The following TANC2 variants were observed in gnomAD, a reference collection of about 807,000 sequenced individuals.
TANC2 encodes protein TANC2.
A neutral mutation model predicts 210.5 loss-of-function variants in TANC2; 26 were observed. The observed-to-expected ratio is 0.12, with a 90% CI of 0.09 to 0.17. The LOEUF is 0.17. TANC2 is among the 10% of genes least tolerant of loss of function. The probability of loss-of-function intolerance (pLI) is 1.00; values close to 1 mark genes in which losing one functional copy is unlikely to be tolerated. For synonymous variants in TANC2, 931 were observed against 967.1 expected, an observed-to-expected ratio of 0.96 and a Z score of 0.69; for missense variants, 2,129 against 2,608.9, an observed-to-expected ratio of 0.82 and a Z score of 4.01.
At chr17:63,408,766 G>T (rs2048596780) in intron 21 of TANC2, among the ~76,000 whole-genome samples, 1 of 152,242 alleles carries the variant, frequency 6.6e-6, no homozygotes, top group Admixed American at 6.5e-5. Flanking sequence ...GCCTGCTGTG[G>T]CAGGTGCTAA....
At chr17:63,345,490 A>G (rs1450562155) in intron 12 of TANC2, among the ~76,000 whole-genome samples, 1 of 152,002 alleles carries the variant, frequency 6.6e-6, no homozygotes, top group African/African-American at 2.4e-5. Context: ...GTGGTGGCAC[A>G]TGCCTGTAAT....
chr17:63,316,316 C>G (rs1338011946), intron 10 of TANC2, among the ~76,000 whole-genome samples: 1 of 152,214 alleles, frequency 6.6e-6, no homozygotes, highest in Non-Finnish European at 1.5e-5. Flanking sequence ...CTCTCTGTGA[C>G]TCCTCTGTAT....
intron 1 of TANC2, among the ~76,000 whole-genome samples, chr17:62,979,973 T>C (rs143454753): frequency 6.6e-6 from 1 of 152,308 alleles, no homozygotes; most frequent in East Asian, 1.9e-4. Flanking sequence ...CCTGGCCTTA[T>C]TCTCCTCCAC....
chr17:63,343,364 A>G (rs2046301513), intron 12 of TANC2, among the ~76,000 whole-genome samples: 1 of 152,214 alleles, frequency 6.6e-6, no homozygotes, highest in Non-Finnish European at 1.5e-5. Flanking sequence ...TGATAAACAT[A>G]AAAGGGCCAA....
intron 9 of TANC2, among the ~76,000 whole-genome samples, chr17:63,292,034 G>A (rs1024434556): frequency 1.3e-5 from 2 of 152,166 alleles, no homozygotes; most frequent in African/African-American, 4.8e-5. Flanking sequence ...AGAACGAATA[G>A]ATTAAGGTAA....
At chr17:63,227,518 A>C (rs1309609288) in intron 7 of TANC2, among the ~76,000 whole-genome samples, 4 of 151,990 alleles carry the variant, frequency 2.6e-5, no homozygotes. Context: ...CTTTTTTCAG[A>C]TGGATAGATT....
intron 2 of TANC2, among the ~76,000 whole-genome samples, chr17:63,028,014 C>G (rs1424438188): frequency 6.6e-6 from 1 of 151,890 alleles, no homozygotes; most frequent in African/African-American, 2.4e-5. Flanking sequence ...ATTTAGAGTG[C>G]TCTGACCTAG....
chr17:63,421,286 T>A lies in TANC2; in HGVS notation c.5556T>A (p.Thr1852=). The change falls in exon 28 of 28, where the codon ACT becomes ACA. Residue 1852 remains threonine (T), a synonymous_variant. Coordinates refer to ENST00000689528, the Ensembl canonical transcript of TANC2. The surrounding 1 kb of genome is among the most constrained non-coding windows in gnomAD (Gnocchi z 6.9). Reference sequence around the variant, plus strand: ...ACGAAATCAAACCGCACCCGCCAACTCCCAGGCCGTTGCTGCATTCCCAAA... The same window carrying A: ...ACGAAATCAAACCGCACCCGCCAACACCCAGGCCGTTGCTGCATTCCCAAA... 1 of 1,613,970 alleles carries A rather than the reference T, an allele frequency of 6.2e-7. No homozygotes were observed. The highest frequency in any genetic ancestry group is 8.5e-7 in the Non-Finnish European group (1 of 1,179,890).
intron 1 of TANC2, among the ~76,000 whole-genome samples, chr17:62,985,407 ATC>A (rs1203695499): frequency 1.3e-5 from 2 of 152,100 alleles, no homozygotes; most frequent in Admixed American, 6.6e-5. Flanking sequence ...CTTGATGTTC[ATC>A]TCTCTCCTAA....
intron 15 of TANC2, among the ~76,000 whole-genome samples, chr17:63,384,706 A>G (rs1019002956): frequency 6.6e-6 from 1 of 152,174 alleles, no homozygotes; most frequent in Non-Finnish European, 1.5e-5. Flanking sequence ...CTTTAATTTA[A>G]TAGTTGGGAA....
chr17:63,319,548 G>A (rs1313638686), intron 11 of TANC2, among the ~76,000 whole-genome samples: 1 of 152,114 alleles, frequency 6.6e-6, no homozygotes, highest in Non-Finnish European at 1.5e-5. Context: ...ACGGGGTTTT[G>A]CCATGTTGGC....
At chr17:62,981,017 A>G (rs1440097525) in intron 1 of TANC2, among the ~76,000 whole-genome samples, 4 of 152,138 alleles carry the variant, frequency 2.6e-5, no homozygotes, top group Admixed American at 1.3e-4. Flanking sequence ...TCTGTTTTAT[A>G]CCTGTATACT....
At chr17:63,098,996 G>A (rs901696250) in intron 3 of TANC2, among the ~76,000 whole-genome samples, 179 bp from the exon 4 acceptor site, 6 of 152,110 alleles carry the variant, frequency 3.9e-5, no homozygotes, top group African/African-American at 1.2e-4. Context: ...CTTCAGTTTC[G>A]TAGTGCTAGA....
In TANC2 at chr17:63,048,182, G is replaced by A. The variant is rs532922368; in HGVS notation, c.68-25761G>A. The stretch of plus-strand genomic sequence containing the variant: ...GCTTTAGGAAGAAGTGTGAGGGGAG[G>A]ATGAGAGTGATCTTTCTGCTTCTGT... On this transcript the variant is annotated intron_variant, in intron 2 of 27. Coordinates refer to ENST00000689528, the Ensembl canonical transcript of TANC2. Among the ~76,000 whole-genome samples the A allele has an allele frequency of 3.3e-5, 5 of 152,214 alleles. No homozygotes were observed. In the South Asian group the frequency reaches 1.0e-3, roughly 32 times the overall value.
rs181924845 is a variant in TANC2, at chr17:63,353,634, G to C, written c.1975-1149G>C. Among the ~76,000 whole-genome samples, 6 of 152,046 alleles carry C rather than the reference G, an allele frequency of 3.9e-5. No homozygotes were observed. In the East Asian group the frequency reaches 1.2e-3, roughly 29 times the overall value. ...GATGGGAGTGAGAATGGCTAGAGAA[G>C]AGGAAAGAACAGAGCCCAGAGCCCT... On this transcript the variant is annotated intron_variant, in intron 13 of 27. Coordinates refer to ENST00000689528, the Ensembl canonical transcript of TANC2.
At chr17:63,302,084 G>A (rs1318774363) in intron 9 of TANC2, among the ~76,000 whole-genome samples, 4 of 152,202 alleles carry the variant, frequency 2.6e-5, no homozygotes, top group Non-Finnish European at 5.9e-5. Flanking sequence ...TAGTTGTTTG[G>A]TTTTGAGTGA....
At chr17:63,403,442 C>A (rs551455191) in intron 19 of TANC2, among the ~76,000 whole-genome samples, 2 of 152,126 alleles carry the variant, frequency 1.3e-5, no homozygotes, top group African/African-American at 4.8e-5. Flanking sequence ...TTAAACTACT[C>A]TTGTGTTCTG....
At chr17:63,115,372 A>G (rs763924225) in intron 4 of TANC2, among the ~76,000 whole-genome samples, 4 of 152,186 alleles carry the variant, frequency 2.6e-5, no homozygotes, top group Non-Finnish European at 4.4e-5. Context: ...GTTCTTTGAT[A>G]TTAACCATTC....
intron 5 of TANC2, among the ~76,000 whole-genome samples, chr17:63,160,262 G>A (rs1222870926): frequency 3.3e-5 from 5 of 152,200 alleles, no homozygotes; most frequent in African/African-American, 7.2e-5. Context: ...GCGATAGACT[G>A]GGCACAGTGG....
Sources: allele counts gnomAD v4.1 joint callset (sites outside exome capture counted in the v4.1 genomes callset), GRCh38; gene constraint gnomAD v4.1.1; non-coding constraint Gnocchi (gnomAD v3.1); transcripts MANE v1.5; gene names NCBI Gene and HGNC (gene_info 2026-07-23, HGNC 2026-07-21).